Variants in CCDC3 observed in about 807,000 individuals in gnomAD.
CCDC3 encodes the protein coiled-coil domain containing 3, also known as coiled-coil domain-containing protein 3.
A neutral mutation model predicts 21.4 loss-of-function variants in CCDC3; 24 were observed. The observed-to-expected ratio is 1.12, with a 90% CI of 0.81 to 1.58. The LOEUF is 1.58. CCDC3 is among the 40% of genes most tolerant of loss of function. CCDC3 has a pLI of 0.00. For synonymous variants in CCDC3, 186 were observed against 166.0 expected (o/e 1.12, Z -0.93); for missense variants, 425 against 360.9 (o/e 1.18, Z -1.44).
At chr10:12,905,806 A>G (rs1834162087) in intron 2 of CCDC3, among the ~76,000 whole-genome samples, 1 of 152,200 alleles carries the variant, frequency 6.6e-6, no homozygotes, top group Non-Finnish European at 1.5e-5. Context: ...GGGAACATCA[A>G]CTGTCAGTGT....
At chr10:12,924,573 C>T (rs900390999) in intron 2 of CCDC3, 4 of 152,208 alleles carry the variant, frequency 2.6e-5, no homozygotes, top group African/African-American at 4.8e-5. Flanking sequence ...CCAAGGTTAA[C>T]ATCCATTTTC....
chr10:13,074,903 CA>C, intron 3 of CCDC3, among the ~76,000 whole-genome samples: 1 of 152,208 alleles, frequency 6.6e-6, no homozygotes, highest in Non-Finnish European at 1.5e-5. Flanking sequence ...GGGTCTCAAA[CA>C]GACAATATGA....
intron 1 of CCDC3, among the ~76,000 whole-genome samples, chr10:13,000,724 C>T (rs1279871427): frequency 6.6e-6 from 1 of 152,164 alleles, no homozygotes; most frequent in Non-Finnish European, 1.5e-5. Flanking sequence ...ACTCAACCAG[C>T]CCTGTCTCTC....
chr10:12,915,747 T>C (rs561047820), intron 2 of CCDC3, among the ~76,000 whole-genome samples: 2 of 152,122 alleles, frequency 1.3e-5, no homozygotes, highest in African/African-American at 4.8e-5. Context: ...AACTTGTTAA[T>C]TGGTACTGTG....
intron 5 of CCDC3, among the ~76,000 whole-genome samples, chr10:13,022,516 G>T (rs11258136): frequency 0.27 from 41,046 of 151,990 alleles, 6,414 homozygotes; most frequent in Non-Finnish European, 0.35. Flanking sequence ...GTATTAGGTT[G>T]GTGCAAAAAT....
At chr10:12,901,207 C>T (rs1026959823) in intron 2 of CCDC3, among the ~76,000 whole-genome samples, 1 of 152,196 alleles carries the variant, frequency 6.6e-6, no homozygotes, top group African/African-American at 2.4e-5. Flanking sequence ...TTCTTTTCTA[C>T]CCAAGGTATT....
intron 2 of CCDC3, among the ~76,000 whole-genome samples, chr10:12,966,037 G>C (rs1020986812): frequency 6.6e-6 from 1 of 152,074 alleles, no homozygotes; most frequent in Non-Finnish European, 1.5e-5. Flanking sequence ...GGTCCCCTTT[G>C]CAAGCCTTTC....
chr10:13,043,028 T>C (rs1017305527), intron 5 of CCDC3, among the ~76,000 whole-genome samples: 3 of 152,100 alleles, frequency 2.0e-5, no homozygotes, highest in African/African-American at 7.2e-5. Flanking sequence ...CTTCTGGTAA[T>C]TGCAAATATT....
chr10:13,005,301 T>C (rs376627191), upstream of CCDC3, among the ~76,000 whole-genome samples: 64 of 152,318 alleles, frequency 4.2e-4, 1 homozygote, highest in African/African-American at 1.5e-3. Flanking sequence ...ATAAACCATA[T>C]GAGTGGAAGA....
chr10:12,961,578 G>C (rs540913492), intron 2 of CCDC3, among the ~76,000 whole-genome samples: 3 of 152,150 alleles, frequency 2.0e-5, no homozygotes, highest in East Asian at 1.9e-4. Flanking sequence ...CTGGGACCAC[G>C]GCATGAAGCA....
intron 2 of CCDC3, among the ~76,000 whole-genome samples, chr10:12,995,738 T>TC (rs1413383263): frequency 2.0e-5 from 3 of 152,290 alleles, no homozygotes; most frequent in Admixed American, 2.0e-4. Context: ...CCTGGAATGC[T>TC]CCCACACTTT....
intron 4 of CCDC3, among the ~76,000 whole-genome samples, chr10:13,059,135 C>T (rs1181534488): frequency 6.6e-6 from 1 of 152,214 alleles, no homozygotes; most frequent in East Asian, 1.9e-4. Context: ...CATACGCACA[C>T]TTCGTAAGGG....
At chr10:12,958,942 G>A (rs904245794) in intron 2 of CCDC3, among the ~76,000 whole-genome samples, 1 of 152,200 alleles carries the variant, frequency 6.6e-6, no homozygotes, top group Non-Finnish European at 1.5e-5. Flanking sequence ...GCCAGTCCTA[G>A]ATCCTGGGGA....
chr10:12,933,691 C>CA (rs774613505), intron 2 of CCDC3, among the ~76,000 whole-genome samples: 3 of 152,110 alleles, frequency 2.0e-5, no homozygotes, highest in Non-Finnish European at 4.4e-5. Flanking sequence ...GTCCCAGCCT[C>CA]AAGTGATCCG....
intron 5 of CCDC3, among the ~76,000 whole-genome samples, chr10:13,028,681 C>T (rs979235994): frequency 6.6e-6 from 1 of 152,094 alleles, no homozygotes; most frequent in African/African-American, 2.4e-5. Flanking sequence ...TCCCTTTGCC[C>T]CACACGCCAA....
intron 5 of CCDC3, among the ~76,000 whole-genome samples, chr10:13,039,512 A>G (rs1836421925): frequency 6.6e-6 from 1 of 152,212 alleles, no homozygotes; most frequent in African/African-American, 2.4e-5. Context: ...TTGAGTTACA[A>G]ATAAGCAATA....
At chr10:13,006,082 C>T (rs896786137), upstream of CCDC3, among the ~76,000 whole-genome samples, 4 of 152,070 alleles carry the variant, frequency 2.6e-5, no homozygotes, top group Non-Finnish European at 5.9e-5. Context: ...GTTTCATGAA[C>T]ATCAGATCCA....
At chr10:12,936,218 G>GTGTACAGAATTGTAGGGTTGTTTT (rs1834735385) in intron 2 of CCDC3, among the ~76,000 whole-genome samples, 1 of 152,180 alleles carries the variant, frequency 6.6e-6, no homozygotes, top group East Asian at 1.9e-4. Context: ...TAATTTCACA[G>GTGTACAGAATTGTAGGGTTGTTTT]TGTACAGAAT....
intron 2 of CCDC3, among the ~76,000 whole-genome samples, chr10:12,935,346 G>A (rs1418599270): frequency 2.0e-5 from 3 of 152,002 alleles, no homozygotes; most frequent in African/African-American, 7.2e-5. Context: ...AGCCTCCCAA[G>A]TAGCTGGGAC....
Sources: gnomAD v4.1 joint callset for allele counts (sites outside exome capture counted in the v4.1 genomes callset) on GRCh38, gnomAD v4.1.1 for gene constraint, MANE v1.5 for transcripts, NCBI Gene and HGNC (gene_info 2026-07-23, HGNC 2026-07-21) for gene names.